The following GNG2 variants were observed in gnomAD, a reference collection of about 807,000 sequenced individuals.
GNG2 encodes the protein guanine nucleotide-binding protein G(I)/G(S)/G(O) subunit gamma-2.
Under a neutral mutation model 5.5 loss-of-function variants are expected in GNG2, and 5 were observed. The ratio of observed to expected loss-of-function variants is 0.91; its 90% CI spans 0.48 to 1.92. The LOEUF is 1.92. Ranked by LOEUF, GNG2 falls within the 30% of genes most tolerant of loss-of-function variation. The pLI is 0.01. For synonymous variants in GNG2, 28 were observed against 32.0 expected (o/e 0.88, Z 0.42); for missense variants, 55 against 88.4 (o/e 0.62, Z 1.52).
chr14:51,864,017 T>C (rs1882700948), intron 1 of GNG2, among the ~76,000 whole-genome samples: 1 of 152,246 alleles, frequency 6.6e-6, no homozygotes, highest in Non-Finnish European at 1.5e-5. Flanking sequence ...TTTACTTCTT[T>C]TGGGAACCCA....
At chr14:51,879,333 G>A (rs1307530296) in intron 2 of GNG2, among the ~76,000 whole-genome samples, 2 of 152,148 alleles carry the variant, frequency 1.3e-5, no homozygotes, top group African/African-American at 4.8e-5. Context: ...GCTAAATTTA[G>A]TTTTCAAAGT....
intron 2 of GNG2, among the ~76,000 whole-genome samples, chr14:51,949,484 C>A (rs1888848637): frequency 6.6e-6 from 1 of 152,148 alleles, no homozygotes; most frequent in African/African-American, 2.4e-5. Context: ...GTAACCTGAT[C>A]TTACTTCATC....
intron 2 of GNG2, among the ~76,000 whole-genome samples, chr14:51,853,233 G>C (rs546368143): frequency 6.6e-6 from 1 of 152,210 alleles, no homozygotes; most frequent in East Asian, 1.9e-4. Context: ...TGCACGCAAT[G>C]TACAAAGTGC....
At position 51,847,875 on chromosome 14, in the gene GNG2, C is replaced by CTTTTTTTTTTTTTTTTTTT. The variant is rs1555348001; in HGVS notation, c.64+20073_64+20074insTTTTTTTTTTTTTTTTTTT. 3.0e-5 allele frequency among the ~76,000 whole-genome samples: 2 copies of CTTTTTTTTTTTTTTTTTTT among 66,148 alleles called. 1 individual carries two copies. Among genetic ancestry groups the CTTTTTTTTTTTTTTTTTTT allele is most frequent in the Non-Finnish European group, 6.3e-5 (2 of 31,510 alleles). The allele number at this position is 66,148 out of a possible 152,430, so 43.4% of individuals were successfully genotyped here. On this transcript the variant is annotated intron_variant, in intron 2 of 3. Transcript: ENST00000553432. ...GGATGTTACTCTATGAATACAGGTC[C>CTTTTTTTTTTTTTTTTTTT]TTTTTCTTTTTTTTTTTTTTTTTTT...
At chr14:51,952,461 A>G (rs546538534) in intron 3 of GNG2, among the ~76,000 whole-genome samples, 28 of 152,334 alleles carry the variant, frequency 1.8e-4, no homozygotes, top group African/African-American at 6.3e-4. Context: ...AAGGTGGCCC[A>G]TGGATTGTCA....
At chr14:51,918,868 A>G (rs1341784802) in intron 2 of GNG2, among the ~76,000 whole-genome samples, 1 of 152,230 alleles carries the variant, frequency 6.6e-6, no homozygotes, top group Admixed American at 6.5e-5. Context: ...CTTGTCGCCC[A>G]CGCTAGAGTA....
At chr14:51,890,890 A>G (rs1314065055) in intron 2 of GNG2, among the ~76,000 whole-genome samples, 1 of 63,772 alleles carries the variant, frequency 1.6e-5, no homozygotes, top group East Asian at 4.2e-4. Flanking sequence ...TTTATTTCAT[A>G]TACACATGGT....
intron 3 of GNG2, among the ~76,000 whole-genome samples, 155 bp downstream of exon 3, chr14:51,950,920 A>C (rs759497301): frequency 6.6e-6 from 1 of 152,206 alleles, no homozygotes; most frequent in Non-Finnish European, 1.5e-5. Flanking sequence ...TCCCTTCTCC[A>C]GCATAAAATA....
intron 2 of GNG2, among the ~76,000 whole-genome samples, chr14:51,885,775 A>T (rs570240251): frequency 6.6e-6 from 1 of 152,362 alleles, no homozygotes; most frequent in East Asian, 1.9e-4. Context: ...TATTTTAGAT[A>T]CACTTCATGG....
At position 51,828,279 on chromosome 14, in the gene GNG2, C is replaced by T. The variant is rs142940786; in HGVS notation, c.64+472C>T. On this transcript the variant is annotated intron_variant, in intron 2 of 3. Coordinates refer to the GNG2 transcript ENST00000553432. ...GTGGCAGAGCCTGGTCTGCGGTGAG[C>T]GCTTTCACACAGTAGGGAAGTTTTC... Among the ~76,000 whole-genome samples the T allele has an allele frequency of 3.9e-5, 6 of 152,284 alleles. No individual in the cohort carries two copies. The East Asian group carries it at 5.8e-4, about 15-fold the overall frequency.
At position 51,917,494 on chromosome 14, in the gene GNG2, A is replaced by G. The variant is rs373963376; in HGVS notation, c.-29-33156A>G. The G allele has an allele frequency of 1.0e-4, 45 of 441,640 alleles. No individual in the cohort carries two copies. In the East Asian group the frequency reaches 2.6e-3, roughly 25 times the overall value. 27.4% of individuals were successfully genotyped at this position (441,640 alleles called of 1,614,324 possible). A position where few individuals can be genotyped will look rare whatever the true frequency, so the allele number is the denominator to read the frequency against. ...ACCTTAGCCTAGTGCAGAGTTTATT[A>G]AAACCATGTCTTTTTTTAAATCACT... On this transcript the variant is annotated intron_variant, in intron 2 of 3. Coordinates refer to ENST00000556766, the MANE Select transcript of GNG2 (RefSeq NM_053064.5).
At chr14:51,956,578 TC>T (rs1353731973) in intron 3 of GNG2, among the ~76,000 whole-genome samples, 4 of 152,166 alleles carry the variant, frequency 2.6e-5, no homozygotes, top group African/African-American at 9.7e-5. Flanking sequence ...TATACACACT[TC>T]CCATCTCAAG....
intron 2 of GNG2, among the ~76,000 whole-genome samples, chr14:51,853,717 C>T (rs1023618032): frequency 6.6e-6 from 1 of 152,172 alleles, no homozygotes; most frequent in African/African-American, 2.4e-5. Context: ...AAATGACTTA[C>T]ATGTGTGATA....
At chr14:51,854,185 G>A (rs1882044371) in intron 2 of GNG2, among the ~76,000 whole-genome samples, 1 of 152,076 alleles carries the variant, frequency 6.6e-6, no homozygotes, top group South Asian at 2.1e-4. Context: ...ATCCCTGAAT[G>A]TCTATATTGA....
At chr14:51,954,103 T>C (rs1889137881) in intron 3 of GNG2, among the ~76,000 whole-genome samples, 1 of 152,174 alleles carries the variant, frequency 6.6e-6, no homozygotes. Flanking sequence ...CCCTACTCTA[T>C]GAATAACATA....
At chr14:51,828,487 A>G (rs1263205278) in intron 2 of GNG2, among the ~76,000 whole-genome samples, 1 of 152,196 alleles carries the variant, frequency 6.6e-6, no homozygotes, top group African/African-American at 2.4e-5. Context: ...GGGAAGGAAT[A>G]AATCAAGGAG....
At chr14:51,855,987 AC>A (rs1882137952), upstream of GNG2, among the ~76,000 whole-genome samples, 1 of 152,208 alleles carries the variant, frequency 6.6e-6, no homozygotes, top group Non-Finnish European at 1.5e-5. Flanking sequence ...AGCCTGGGCA[AC>A]ATAGCAAAAT....
At chr14:51,829,918 C>G (rs1312181875) in intron 2 of GNG2, among the ~76,000 whole-genome samples, 3 of 151,316 alleles carry the variant, frequency 2.0e-5, no homozygotes, top group Non-Finnish European at 2.9e-5. Flanking sequence ...TCTCAGCTCC[C>G]TGCAACTTCC....
chr14:51,893,423 T>C (rs1423435758), intron 2 of GNG2, among the ~76,000 whole-genome samples: 1 of 152,190 alleles, frequency 6.6e-6, no homozygotes, highest in Non-Finnish European at 1.5e-5. Flanking sequence ...TTTGCCCATG[T>C]TTTTATAAGG....
Sources: gnomAD v4.1 joint callset for allele counts (sites outside exome capture counted in the v4.1 genomes callset) on GRCh38, gnomAD v4.1.1 for gene constraint, MANE v1.5 for transcripts, NCBI Gene and HGNC (gene_info 2026-07-23, HGNC 2026-07-21) for gene names.